The following PDE1A variants were observed in gnomAD, a reference collection of about 807,000 sequenced individuals.
PDE1A encodes the protein phosphodiesterase 1A, also known as dual specificity calcium/calmodulin-dependent 3',5'-cyclic nucleotide phosphodiesterase 1A.
PDE1A carries 35 observed loss-of-function variants against 61.7 expected under a neutral mutation model. That is an observed-to-expected ratio of 0.57 (90% confidence interval 0.43 to 0.75). The LOEUF is 0.75. PDE1A is among the 30% of genes least tolerant of loss of function. PDE1A has a pLI of 0.00. For missense variants in PDE1A, 597 were observed against 630.6 expected (o/e 0.95, Z 0.57); for synonymous variants, 232 against 213.2 (o/e 1.09, Z -0.77).
chr2:182,493,888 C>T, intron 2 of PDE1A, among the ~76,000 whole-genome samples: 1 of 152,176 alleles, frequency 6.6e-6, no homozygotes, highest in Non-Finnish European at 1.5e-5. Flanking sequence ...GATCCTCCTG[C>T]CTCAACCTCC....
intron 13 of PDE1A, among the ~76,000 whole-genome samples, chr2:182,177,371 A>G (rs1251917025): frequency 6.6e-6 from 1 of 151,702 alleles, no homozygotes; most frequent in Non-Finnish European, 1.5e-5. Flanking sequence ...AGATCCTGTT[A>G]TTGGTCTATT....
At chr2:182,144,955 T>C (rs1690415572), downstream of PDE1A, among the ~76,000 whole-genome samples, 1 of 152,130 alleles carries the variant, frequency 6.6e-6, no homozygotes, top group African/African-American at 2.4e-5. Context: ...TTGGGTGTGC[T>C]GTGTCCTCTC....
intron 2 of PDE1A, among the ~76,000 whole-genome samples, chr2:182,501,501 T>C (rs1689079281): frequency 6.6e-6 from 1 of 152,222 alleles, no homozygotes; most frequent in African/African-American, 2.4e-5. Flanking sequence ...CTCTTCTGTT[T>C]TGAAGAGAAA....
chr2:182,240,097 C>T lies in PDE1A; in HGVS notation c.350+13G>A, dbSNP rs546601984. On this transcript the variant is annotated intron_variant, in intron 3 of 13. Coordinates refer to ENST00000351439, the Ensembl canonical transcript of PDE1A. ...AAATGTTACTGTCTTGAGATACCAA[C>T]AATTTCACTTACCTTTCCACAAAAA... 1.3e-4 allele frequency: 203 copies of T among 1,610,652 alleles called. 1 individual carries two copies. In the South Asian group the frequency reaches 2.0e-3, roughly 16 times the overall value.
At chr2:182,668,524 T>C in the PDE1A span, among the ~76,000 whole-genome samples, 1 of 151,038 alleles carries the variant, frequency 6.6e-6, no homozygotes, top group Non-Finnish European at 1.5e-5. Flanking sequence ...TCTCTAGAAA[T>C]GGAGGAAATG....
chr2:182,673,054 T>C, the PDE1A span, among the ~76,000 whole-genome samples: 1 of 152,168 alleles, frequency 6.6e-6, no homozygotes, highest in South Asian at 2.1e-4. Context: ...TTTTCCGGTG[T>C]AAAAGAATGA....
At chr2:182,425,491 T>A (rs1003018659) in intron 1 of PDE1A, among the ~76,000 whole-genome samples, 1 of 152,178 alleles carries the variant, frequency 6.6e-6, no homozygotes, top group Non-Finnish European at 1.5e-5. Context: ...TAAATATAAT[T>A]TATGTTCAAA....
chr2:182,691,687 A>C, the PDE1A span, among the ~76,000 whole-genome samples: 1 of 152,174 alleles, frequency 6.6e-6, no homozygotes, highest in Non-Finnish European at 1.5e-5. Flanking sequence ...AATGGGATCT[A>C]ATTAAACTAA....
In PDE1A at chr2:182,242,423, TAAGGG is replaced by T. The variant is rs542542192; in HGVS notation, c.168-2136_168-2132del. 5.3e-5 allele frequency among the ~76,000 whole-genome samples: 8 copies of T among 152,284 alleles called. No homozygotes were observed. In the East Asian group the frequency reaches 1.5e-3, roughly 29 times the overall value. ...ACACAAATAAAGGACGACAGTGTGTTAAGGGAAGAGCATGGAATATGCTATTGTGT... is the reference window on the plus strand; with the variant it reads ...ACACAAATAAAGGACGACAGTGTGTTAAGAGCATGGAATATGCTATTGTGT... On this transcript the variant is annotated intron_variant, in intron 2 of 13. Coordinates refer to ENST00000351439, the Ensembl canonical transcript of PDE1A.
At chr2:182,264,347 C>G in exon 2 of PDE1A, 2 of 1,613,592 alleles carry the variant, frequency 1.2e-6, no homozygotes, top group Non-Finnish European at 1.7e-6. Context: ...GCCGCATATT[C>G]AATATTCTTC....
intron 1 of PDE1A, among the ~76,000 whole-genome samples, chr2:182,350,050 T>C (rs1163310173): frequency 6.6e-6 from 1 of 152,196 alleles, no homozygotes; most frequent in African/African-American, 2.4e-5. Context: ...TTTATTCCTC[T>C]TTCAGTACTT....
At chr2:182,244,815 G>A (rs1690829906) in intron 2 of PDE1A, among the ~76,000 whole-genome samples, 1 of 152,190 alleles carries the variant, frequency 6.6e-6, no homozygotes, top group African/African-American at 2.4e-5. Flanking sequence ...GAGGGACCAG[G>A]AGAATGTGTA....
At chr2:182,615,569 A>C in the PDE1A span, among the ~76,000 whole-genome samples, 1 of 152,248 alleles carries the variant, frequency 6.6e-6, no homozygotes, top group Non-Finnish European at 1.5e-5. Flanking sequence ...AGCATTACTA[A>C]TAAAATAACA....
At chr2:182,566,806 T>TA in the PDE1A span, among the ~76,000 whole-genome samples, 2 of 152,136 alleles carry the variant, frequency 1.3e-5, no homozygotes, top group East Asian at 3.8e-4. Context: ...TCATCTTCTG[T>TA]AAATAGCAAC....
chr2:182,573,783 A>G, the PDE1A span, among the ~76,000 whole-genome samples: 7 of 150,056 alleles, frequency 4.7e-5, no homozygotes, highest in African/African-American at 7.3e-5. Flanking sequence ...ATACTTTCAT[A>G]TAATATATAA....
intron 2 of PDE1A, among the ~76,000 whole-genome samples, chr2:182,478,955 A>T (rs951005229): frequency 2.0e-5 from 3 of 151,892 alleles, no homozygotes; most frequent in African/African-American, 7.2e-5. Flanking sequence ...ATAATGGCAC[A>T]ATGTCTGAAA....
chr2:182,535,985 T>A, the PDE1A span, among the ~76,000 whole-genome samples: 2 of 152,158 alleles, frequency 1.3e-5, no homozygotes, highest in African/African-American at 2.4e-5. Context: ...ACACTGAACA[T>A]GCTAAAGTGA....
chr2:182,172,958 A>G (rs1451100891), intron 13 of PDE1A, among the ~76,000 whole-genome samples: 2 of 152,034 alleles, frequency 1.3e-5, no homozygotes, highest in African/African-American at 4.8e-5. Flanking sequence ...ATTCCAGGGT[A>G]CAACAGTATG....
chr2:182,184,528 G>GA (rs1685051050), intron 13 of PDE1A, among the ~76,000 whole-genome samples: 2 of 152,078 alleles, frequency 1.3e-5, no homozygotes. Flanking sequence ...CCCAGATAAA[G>GA]AAAATCTAAT....
Sources: gnomAD v4.1 joint callset for allele counts (sites outside exome capture counted in the v4.1 genomes callset) on GRCh38, gnomAD v4.1.1 for gene constraint, MANE v1.5 for transcripts, NCBI Gene and HGNC (gene_info 2026-07-23, HGNC 2026-07-21) for gene names.